Variants in RBFOX1 observed in about 807,000 individuals in gnomAD.
The protein encoded by RBFOX1 is RNA binding protein fox-1 homolog 1.
Under a neutral mutation model 57.7 loss-of-function variants are expected in RBFOX1, and 8 were observed. The observed-to-expected ratio is 0.14, with a 90% CI of 0.08 to 0.25. The LOEUF is 0.25. Among genes scored for constraint, RBFOX1 ranks in the 10% least tolerant of loss-of-function variants. RBFOX1 has a pLI of 1.00. For synonymous variants in RBFOX1, 326 were observed against 222.4 expected, an observed-to-expected ratio of 1.47 and a Z score of -4.15; for missense variants, 611 against 548.5, an observed-to-expected ratio of 1.11 and a Z score of -1.14.
intron 4 of RBFOX1, among the ~76,000 whole-genome samples, chr16:7,204,342 C>A (rs1230461503): frequency 2.0e-5 from 3 of 152,102 alleles, no homozygotes; most frequent in Admixed American, 6.5e-5. Flanking sequence ...ATTAGCATTC[C>A]CATATTTATA....
At chr16:6,700,993 C>A (rs749164609) in intron 3 of RBFOX1, among the ~76,000 whole-genome samples, 196 of 151,920 alleles carry the variant, frequency 1.3e-3, no homozygotes, top group Non-Finnish European at 2.2e-3. Flanking sequence ...TATGAGGGAT[C>A]CATACCAGTA....
chr16:5,654,476 C>T (rs927447499), intron 3 of RBFOX1, among the ~76,000 whole-genome samples: 2 of 152,140 alleles, frequency 1.3e-5, no homozygotes, highest in Admixed American at 6.5e-5. Context: ...AACGTTCTCA[C>T]CTGTCCTTCT....
intron 14 of RBFOX1, chr16:7,693,194 T>A: frequency 1.3e-6 from 1 of 758,956 alleles, no homozygotes; most frequent in South Asian, 1.6e-5. Flanking sequence ...GCACATTTCC[T>A]CGCAACATCC....
At chr16:5,527,022 A>G (rs1252507204) in intron 2 of RBFOX1, among the ~76,000 whole-genome samples, 1 of 152,206 alleles carries the variant, frequency 6.6e-6, no homozygotes, top group Non-Finnish European at 1.5e-5. Context: ...AGTGTTCAGC[A>G]TAGCGCTTGG....
rs116241600 is a variant in RBFOX1, at chr16:6,654,731, C to T, written c.-16+81C>T. 1.1e-3 allele frequency: 1,127 copies of T among 1,064,494 alleles called. 16 individuals are homozygous for T. In the African/African-American group the frequency reaches 0.016, roughly 15 times the overall value. The allele number at this position is 1,064,494 out of a possible 1,614,324, so 65.9% of individuals were successfully genotyped here. A position where few individuals can be genotyped will look rare whatever the true frequency, so the allele number is the denominator to read the frequency against. Reference sequence around the variant, plus strand: ...TGAACCCAGGTGTTTAAGGCATGCCCCTCTCGATGATGGTTTTTAGGTGAT... The same window carrying T: ...TGAACCCAGGTGTTTAAGGCATGCCTCTCTCGATGATGGTTTTTAGGTGAT... On this transcript the variant is annotated intron_variant, in intron 3 of 15. Transcript: ENST00000550418.
chr16:5,813,462 A>C (rs1186096318), intron 3 of RBFOX1, among the ~76,000 whole-genome samples: 1 of 152,196 alleles, frequency 6.6e-6, no homozygotes, highest in Admixed American at 6.5e-5. Flanking sequence ...TATACAATGG[A>C]ATATGATTCA....
At chr16:7,418,450 C>A (rs896115164) in intron 4 of RBFOX1, among the ~76,000 whole-genome samples, 1 of 152,266 alleles carries the variant, frequency 6.6e-6, no homozygotes, top group South Asian at 2.1e-4. Context: ...CCCTTTAGGG[C>A]GTGAGCCAGG....
At chr16:6,881,888 C>G (rs894045996) in intron 3 of RBFOX1, among the ~76,000 whole-genome samples, 4 of 152,192 alleles carry the variant, frequency 2.6e-5, no homozygotes, top group African/African-American at 9.7e-5. Context: ...AGTTTCACAG[C>G]TGGAGTTGCT....
intron 3 of RBFOX1, among the ~76,000 whole-genome samples, chr16:6,817,005 C>A (rs1006385296): frequency 6.6e-6 from 1 of 152,098 alleles, no homozygotes; most frequent in African/African-American, 2.4e-5. Context: ...GCCTCTGCCT[C>A]CCAAAGTGCT....
intron 1 of RBFOX1, among the ~76,000 whole-genome samples, chr16:5,240,449 G>A (rs1395376212): frequency 1.3e-5 from 2 of 152,136 alleles, no homozygotes; most frequent in Non-Finnish European, 2.9e-5. Flanking sequence ...TGGGGCATCT[G>A]TCTGGGACTT....
At chr16:7,080,972 A>G (rs966438668) in intron 4 of RBFOX1, among the ~76,000 whole-genome samples, 1 of 152,170 alleles carries the variant, frequency 6.6e-6, no homozygotes, top group African/African-American at 2.4e-5. Flanking sequence ...GCTCTGCATG[A>G]ACTGGTCTTT....
chr16:6,660,224 TAAA>T (rs112347010), intron 3 of RBFOX1, among the ~76,000 whole-genome samples: 7 of 122,706 alleles, frequency 5.7e-5, no homozygotes, highest in Admixed American at 8.3e-5. Flanking sequence ...GACTTCATCT[TAAA>T]AAAAAAAAAA....
intron 4 of RBFOX1, among the ~76,000 whole-genome samples, chr16:5,920,264 T>C (rs1323424024): frequency 6.6e-6 from 1 of 152,222 alleles, no homozygotes; most frequent in Non-Finnish European, 1.5e-5. Flanking sequence ...TAGAAGGAAG[T>C]ACTGTATTTC....
Position 5,692,880 on chromosome 16 carries a change from C to G in RBFOX1, c.318+93919C>G, listed in dbSNP as rs528621424. ...GAAGGCAGGTTGAACAAAGAGGTAT[C>G]AAAGGTGAAGACATGGCACATGCAG... On this transcript the variant is annotated intron_variant, in intron 3 of 19. Transcript: ENST00000641259. Among the ~76,000 whole-genome samples the G allele has an allele frequency of 2.6e-5, 4 of 152,298 alleles. No homozygotes were observed. The East Asian group carries it at 5.8e-4, about 22-fold the overall frequency.
At chr16:6,146,772 C>T (rs1316376922) in intron 1 of RBFOX1, among the ~76,000 whole-genome samples, 1 of 152,144 alleles carries the variant, frequency 6.6e-6, no homozygotes, top group African/African-American at 2.4e-5. Flanking sequence ...CGGAGTGTCC[C>T]TGTCTTAATA....
rs1203130993 is a variant in RBFOX1 at position 7,265,977 on chromosome 16, T to G, written c.27+213879T>G. 3.3e-3 allele frequency among the ~76,000 whole-genome samples: 452 copies of G among 138,816 alleles called. 5 individuals are homozygous for G. The highest frequency in any genetic ancestry group is 7.5e-3 in the African/African-American group (272 of 36,146). 91.1% of individuals were successfully genotyped at this position (138,816 alleles called of 152,430 possible). ...TGGTGGGTTTTTGTTTTTTTTTTTTTTTTTTTTTTTTTTCTGAGAGGGAGT... is the reference window on the plus strand; with the variant it reads ...TGGTGGGTTTTTGTTTTTTTTTTTTGTTTTTTTTTTTTTCTGAGAGGGAGT... On this transcript the variant is annotated intron_variant, in intron 4 of 15. Transcript: ENST00000550418.
chr16:7,447,791 G>A (rs1449674973), intron 4 of RBFOX1, among the ~76,000 whole-genome samples: 1 of 152,206 alleles, frequency 6.6e-6, no homozygotes, highest in African/African-American at 2.4e-5. Context: ...GAAGGTTATA[G>A]GTCTTGTTAT....
intron 3 of RBFOX1, among the ~76,000 whole-genome samples, chr16:5,646,901 G>C (rs1412646153): frequency 6.6e-6 from 1 of 152,126 alleles, no homozygotes; most frequent in African/African-American, 2.4e-5. Context: ...CCAAACTGCT[G>C]ATATTACAGG....
intron 1 of RBFOX1, among the ~76,000 whole-genome samples, chr16:5,294,186 A>C (rs1258088112): frequency 2.6e-5 from 4 of 152,114 alleles, no homozygotes; most frequent in Non-Finnish European, 5.9e-5. Context: ...CTGAGATCAC[A>C]CCACTGCACT....
Sources: gnomAD v4.1 joint callset for allele counts (sites outside exome capture counted in the v4.1 genomes callset) on GRCh38, gnomAD v4.1.1 for gene constraint, MANE v1.5 for transcripts, NCBI Gene and HGNC (gene_info 2026-07-23, HGNC 2026-07-21) for gene names.